The following CDH8 variants were observed in gnomAD, a reference collection of about 807,000 sequenced individuals.
CDH8 encodes the protein cadherin 8.
A neutral mutation model predicts 68.1 loss-of-function variants in CDH8; 17 were observed. That is an observed-to-expected ratio of 0.25 (90% CI 0.17 to 0.37). The LOEUF (loss-of-function observed/expected upper bound fraction) is 0.37. Ranked by LOEUF, CDH8 falls within the 10% of genes least tolerant of loss-of-function variation. The pLI is 1.00. For missense variants in CDH8, 763 were observed against 999.3 expected (o/e 0.76, Z 3.19); for synonymous variants, 372 against 365.1 (o/e 1.02, Z -0.21).
intron 10 of CDH8, among the ~76,000 whole-genome samples, chr16:61,661,671 A>C (rs1963559396): frequency 6.6e-6 from 1 of 151,746 alleles, no homozygotes; most frequent in Admixed American, 6.6e-5. Context: ...CTAATTTTTC[A>C]CCATCAGCCA....
intron 2 of CDH8, among the ~76,000 whole-genome samples, chr16:61,917,298 C>T (rs1008860694): frequency 3.3e-5 from 5 of 152,064 alleles, no homozygotes; most frequent in Non-Finnish European, 5.9e-5. Context: ...TCAGTTCTCC[C>T]TGCTTTCTCT....
intron 7 of CDH8, among the ~76,000 whole-genome samples, chr16:61,808,261 T>A (rs1248716149): frequency 6.6e-6 from 1 of 152,150 alleles, no homozygotes; most frequent in African/African-American, 2.4e-5. Context: ...GTGAAGGGAC[T>A]AGGGTTTGGC....
chr16:61,914,771 T>C (rs1473449394), intron 2 of CDH8, among the ~76,000 whole-genome samples: 2 of 149,190 alleles, frequency 1.3e-5, no homozygotes, highest in Non-Finnish European at 3.0e-5. Context: ...ATGATGCCAC[T>C]AGCCAAGAAA....
intron 3 of CDH8, among the ~76,000 whole-genome samples, chr16:61,888,561 T>C (rs991653827): frequency 6.6e-6 from 1 of 152,188 alleles, no homozygotes. Context: ...TAAACTACTT[T>C]ATGATCATAT....
chr16:62,005,361 C>T (rs564915173), intron 2 of CDH8, among the ~76,000 whole-genome samples: 2 of 152,210 alleles, frequency 1.3e-5, no homozygotes, highest in South Asian at 4.1e-4. Flanking sequence ...GGGTGCTAGG[C>T]TATGTTAAAG....
chr16:61,959,142 C>T (rs1006286359), intron 2 of CDH8, among the ~76,000 whole-genome samples: 3 of 152,154 alleles, frequency 2.0e-5, no homozygotes, highest in Non-Finnish European at 4.4e-5. Context: ...CTCTCACCTT[C>T]ATCTAACTTA....
chr16:61,828,536 T>A (rs1962392093), intron 4 of CDH8, among the ~76,000 whole-genome samples: 1 of 151,824 alleles, frequency 6.6e-6, no homozygotes. Flanking sequence ...TTTTTCTTAA[T>A]TTTTTTAACA....
At chr16:61,924,733 A>ATCTT (rs1964431056) in intron 2 of CDH8, among the ~76,000 whole-genome samples, 1 of 152,058 alleles carries the variant, frequency 6.6e-6, no homozygotes, top group South Asian at 2.1e-4. Flanking sequence ...CCACGTAGTC[A>ATCTT]TCTTTAGTTA....
At chr16:62,002,479 G>T (rs1380484935) in intron 2 of CDH8, among the ~76,000 whole-genome samples, 2 of 152,272 alleles carry the variant, frequency 1.3e-5, no homozygotes, top group East Asian at 3.9e-4. Flanking sequence ...ACCTCATATG[G>T]AGTTTGTGAG....
chr16:61,911,401 C>T (rs978478140), intron 2 of CDH8, among the ~76,000 whole-genome samples: 1 of 152,112 alleles, frequency 6.6e-6, no homozygotes, highest in Non-Finnish European at 1.5e-5. Context: ...AATAGATGCA[C>T]TGGTGAGTGG....
chr16:62,003,580 C>G (rs75860646), intron 2 of CDH8, among the ~76,000 whole-genome samples: 4 of 152,006 alleles, frequency 2.6e-5, no homozygotes, highest in Non-Finnish European at 5.9e-5. Context: ...AAAAGAAAGA[C>G]GATCCTTCCG....
chr16:61,928,062 A>G (rs915088914), intron 2 of CDH8, among the ~76,000 whole-genome samples: 4 of 152,208 alleles, frequency 2.6e-5, no homozygotes, highest in African/African-American at 7.2e-5. Context: ...GCTAGAAATT[A>G]AAAGTCCTAT....
rs1965105626 is a variant in CDH8, at chr16:61,960,230, CATATATACATGTGTGTGTGTATACACAT to C, written c.253-58785_253-58758del. Among the ~76,000 whole-genome samples, 5 of 74,302 alleles carry C rather than the reference CATATATACATGTGTGTGTGTATACACAT, an allele frequency of 6.7e-5. 1 individual carries two copies. The highest frequency in any genetic ancestry group is 5.4e-4 in the Admixed American group (4 of 7,394). 48.7% of individuals were successfully genotyped at this position (74,302 alleles called of 152,430 possible). On this transcript the variant is annotated intron_variant, in intron 2 of 11. Transcript: ENST00000577390. The stretch of plus-strand genomic sequence containing the variant: ...ATATACATGTGTGTGTGTATACACA[CATATATACATGTGTGTGTGTATACACAT>C]ACATATATACGTGTGTGTGTATACA...
At position 61,653,158 on chromosome 16, in the gene CDH8, G is replaced by C; in HGVS notation, c.*450C>G. 1 of 1,231,416 alleles carries C rather than the reference G, an allele frequency of 8.1e-7. No homozygotes were observed. The allele number at this position is 1,231,416 out of a possible 1,614,324, so 76.3% of individuals were successfully genotyped here. On this transcript the variant is annotated 3_prime_UTR_variant, in exon 12 of 12. Transcript: ENST00000577390. ...AGTATTGCTTTATCATTTGTGGCGG[G>C]ATCCTTATTGGTGAAGGGGAAAAAA...
intron 8 of CDH8, among the ~76,000 whole-genome samples, chr16:61,738,973 T>A (rs1959785612): frequency 6.6e-6 from 1 of 152,190 alleles, no homozygotes; most frequent in Non-Finnish European, 1.5e-5. Context: ...TGTTTACATA[T>A]CTCTTATTTT....
rs1276833677 is a variant in CDH8 at position 61,999,829 on chromosome 16, G to GACTTAAACC, written c.252+21322_252+21323insGGTTTAAGT. On this transcript the variant is annotated intron_variant, in intron 2 of 11. Coordinates refer to ENST00000577390, the MANE Select transcript of CDH8 (RefSeq NM_001796.5). ...TTTTACTTTAAGTCCTGGGATACAT[G>GACTTAAACC]TGCAGAATGTGCAGGTTTGTTACAT... is the stretch of plus-strand genomic sequence containing the variant. Among the ~76,000 whole-genome samples, 3 of 151,950 alleles carry GACTTAAACC rather than the reference G, an allele frequency of 2.0e-5. No individual in the cohort carries two copies. The East Asian group carries it at 5.8e-4, about 29-fold the overall frequency.
intron 10 of CDH8, among the ~76,000 whole-genome samples, chr16:61,677,489 G>A (rs1963936481): frequency 6.6e-6 from 1 of 151,720 alleles, no homozygotes; most frequent in South Asian, 2.1e-4. Flanking sequence ...GCCCTACTAG[G>A]ACTGGGGTTT....
chr16:61,855,430 T>G (rs2143014825), intron 4 of CDH8, among the ~76,000 whole-genome samples: 1 of 152,228 alleles, frequency 6.6e-6, no homozygotes, highest in East Asian at 1.9e-4. Context: ...CTACCTTTAT[T>G]TATGGTGGAA....
rs867541954 is a variant in CDH8, at chr16:61,753,520, A to C, written c.1415-26305T>G. 5.9e-5 allele frequency among the ~76,000 whole-genome samples: 9 copies of C among 152,310 alleles called. 1 individual carries two copies. The Middle Eastern group carries it at 0.02, about 345-fold the overall frequency. ...TTCCCAAAGTGCTCGGATTATAGGC[A>C]TGAGCCACCACACACAGCTGATACT... On this transcript the variant is annotated intron_variant, in intron 8 of 11. Transcript: ENST00000577390.
Sources: gnomAD v4.1 joint callset for allele counts (sites outside exome capture counted in the v4.1 genomes callset) on GRCh38, gnomAD v4.1.1 for gene constraint, MANE v1.5 for transcripts, NCBI Gene and HGNC (gene_info 2026-07-23, HGNC 2026-07-21) for gene names.